Variants in PRKAR1B observed in about 807,000 individuals in gnomAD.
The protein encoded by PRKAR1B is cAMP-dependent protein kinase type I-beta regulatory subunit.
A neutral mutation model predicts 46.5 loss-of-function variants in PRKAR1B; 22 were observed. The observed-to-expected ratio is 0.47, with a 90% confidence interval of 0.34 to 0.68. The LOEUF (loss-of-function observed/expected upper bound fraction) is 0.68, where lower values mean the gene tolerates loss of function less well. Ranked by LOEUF, PRKAR1B falls within the 30% of genes least tolerant of loss-of-function variation. The probability of loss-of-function intolerance (pLI) is 0.01; values close to 1 mark genes in which losing one functional copy is unlikely to be tolerated. For synonymous variants in PRKAR1B, 259 were observed against 217.7 expected (o/e 1.19, Z -1.67); for missense variants, 445 against 535.6 (o/e 0.83, Z 1.67).
At chr7:711,877 G>T (rs559980130) in intron 1 of PRKAR1B, among the ~76,000 whole-genome samples, 1 of 151,368 alleles carries the variant, frequency 6.6e-6, no homozygotes, top group Non-Finnish European at 1.5e-5. Flanking sequence ...CAGCCGGGGG[G>T]TTCCAGGGCC....
upstream of PRKAR1B, among the ~76,000 whole-genome samples, chr7:728,284 C>T (rs1037330118): frequency 3.3e-5 from 5 of 152,172 alleles, no homozygotes; most frequent in African/African-American, 1.2e-4. Flanking sequence ...TGCTATAAAT[C>T]CGTGGGCGGT....
At chr7:573,585 C>T (rs756686932) in intron 9 of PRKAR1B, among the ~76,000 whole-genome samples, 6 of 152,180 alleles carry the variant, frequency 3.9e-5, no homozygotes, top group African/African-American at 1.2e-4. Context: ...ACCACACTGC[C>T]GGAGAGCCGG....
chr7:595,117 C>T (rs112449109), intron 7 of PRKAR1B, among the ~76,000 whole-genome samples: 2 of 152,194 alleles, frequency 1.3e-5, no homozygotes, highest in African/African-American at 4.8e-5. Flanking sequence ...GCCTGGAGCC[C>T]TCCCCGCCCT....
intron 7 of PRKAR1B, among the ~76,000 whole-genome samples, chr7:586,486 C>T (rs1256822710): frequency 1.3e-5 from 2 of 152,224 alleles, no homozygotes; most frequent in Non-Finnish European, 2.9e-5. Context: ...AGAGGAGGAG[C>T]AGCACCTTCC....
At chr7:575,351 C>G (rs1001443793) in intron 9 of PRKAR1B, among the ~76,000 whole-genome samples, 1 of 152,228 alleles carries the variant, frequency 6.6e-6, no homozygotes, top group African/African-American at 2.4e-5. Flanking sequence ...ATCCCGGGAG[C>G]AGGGCTCCCA....
intron 7 of PRKAR1B, among the ~76,000 whole-genome samples, chr7:585,445 G>GC (rs1413392739): frequency 6.6e-6 from 1 of 152,220 alleles, no homozygotes; most frequent in Admixed American, 6.5e-5. Flanking sequence ...CCGGACAGCA[G>GC]CAAGCTCGAC....
At chr7:588,175 C>T (rs1189964049) in intron 7 of PRKAR1B, among the ~76,000 whole-genome samples, 4 of 152,218 alleles carry the variant, frequency 2.6e-5, no homozygotes, top group Non-Finnish European at 5.9e-5. Flanking sequence ...GAAGGTGTGG[C>T]TTGAGCCCAA....
At chr7:601,703 G>A (rs1781607529) in intron 6 of PRKAR1B, among the ~76,000 whole-genome samples, 2 of 152,202 alleles carry the variant, frequency 1.3e-5, no homozygotes, top group Admixed American at 6.5e-5. Flanking sequence ...TGGTGTTCGT[G>A]CACAGCCGCC....
chr7:577,637 G>A (rs767081943), intron 9 of PRKAR1B, among the ~76,000 whole-genome samples: 8 of 152,324 alleles, frequency 5.3e-5, no homozygotes, highest in South Asian at 2.1e-4. Context: ...ACGCACTGCC[G>A]GCCCTGGGGT....
At chr7:676,072 C>T (rs76543946) in intron 4 of PRKAR1B, among the ~76,000 whole-genome samples, 1,650 of 152,204 alleles carry the variant, frequency 0.011, 27 homozygotes, top group African/African-American at 0.038. Context: ...GTGTTGAGGA[C>T]GCCCCGAGTA....
chr7:574,410 C>T (rs1160863759), intron 9 of PRKAR1B, among the ~76,000 whole-genome samples: 1 of 151,984 alleles, frequency 6.6e-6, no homozygotes, highest in Admixed American at 6.5e-5. Context: ...CCAGTGTGGC[C>T]GGATGTCAGA....
chr7:585,865 C>G (rs1315010228), intron 7 of PRKAR1B, among the ~76,000 whole-genome samples: 3 of 152,184 alleles, frequency 2.0e-5, no homozygotes, highest in Non-Finnish European at 2.9e-5. Context: ...TGAATGGGGA[C>G]GTATTTTACC....
At chr7:635,120 G>A (rs1783972653) in intron 4 of PRKAR1B, among the ~76,000 whole-genome samples, 1 of 152,176 alleles carries the variant, frequency 6.6e-6, no homozygotes, top group Non-Finnish European at 1.5e-5. Context: ...CTATTTTCAA[G>A]GTAAAATTTA....
intron 4 of PRKAR1B, among the ~76,000 whole-genome samples, chr7:636,348 A>T (rs75818631): frequency 0.016 from 379 of 24,146 alleles, 3 homozygotes; most frequent in Middle Eastern, 0.026. Context: ...GGCCGCGCCC[A>T]CACGTCCTCC....
chr7:629,136 C>T (rs1783586439), intron 4 of PRKAR1B, among the ~76,000 whole-genome samples: 1 of 152,254 alleles, frequency 6.6e-6, no homozygotes, highest in African/African-American at 2.4e-5. Context: ...CATCACCTCC[C>T]AGGACAGGGC....
chr7:666,392 C>T lies in PRKAR1B; in HGVS notation c.440+10837G>A, dbSNP rs1366123128. Among the ~76,000 whole-genome samples the T allele has an allele frequency of 2.0e-5, 3 of 152,162 alleles. No homozygotes were observed. Among genetic ancestry groups the T allele is most frequent in the African/African-American group, 2.4e-5 (1 of 41,452 alleles). On this transcript the variant is annotated intron_variant, in intron 4 of 10. Coordinates refer to ENST00000537384, the MANE Select transcript of PRKAR1B (RefSeq NM_001164760.2). The surrounding 1 kb of genome is among the most constrained non-coding windows in gnomAD (Gnocchi z 4.9). ...TCCTGAGGCTGCTGAGGTCCCTGGCCGAGGCGTAACTGCCCCGGGCACCCC... is the reference window on the plus strand; with the variant it reads ...TCCTGAGGCTGCTGAGGTCCCTGGCTGAGGCGTAACTGCCCCGGGCACCCC...
At chr7:600,128 G>A (rs1295742517) in intron 6 of PRKAR1B, among the ~76,000 whole-genome samples, 3 of 152,232 alleles carry the variant, frequency 2.0e-5, no homozygotes, top group East Asian at 3.8e-4. Context: ...CAGTGGTGAC[G>A]GTTGTAAAAC....
At chr7:701,658 G>A (rs778904006) in intron 2 of PRKAR1B, among the ~76,000 whole-genome samples, 1 of 152,086 alleles carries the variant, frequency 6.6e-6, no homozygotes, top group South Asian at 2.1e-4. Flanking sequence ...AGCAAATGAG[G>A]GTTCAAAAGG....
intron 2 of PRKAR1B, among the ~76,000 whole-genome samples, chr7:700,944 T>C (rs938303261): frequency 1.3e-5 from 2 of 151,966 alleles, no homozygotes; most frequent in African/African-American, 4.8e-5. Flanking sequence ...TCCCAGCACT[T>C]TGGGAGGCCG....
Sources: gnomAD v4.1 joint callset for allele counts (sites outside exome capture counted in the v4.1 genomes callset) on GRCh38, gnomAD v4.1.1 for gene constraint, Gnocchi (gnomAD v3.1) non-coding constraint, MANE v1.5 for transcripts, NCBI Gene and HGNC (gene_info 2026-07-23, HGNC 2026-07-21) for gene names.